Variants in PLCG2 observed in about 807,000 individuals in gnomAD.
PLCG2 encodes the protein 1-phosphatidylinositol 4,5-bisphosphate phosphodiesterase gamma-2.
Under a neutral mutation model 175.6 loss-of-function variants are expected in PLCG2, and 69 were observed. The ratio of observed to expected loss-of-function variants is 0.39; its 90% CI spans 0.32 to 0.48. The LOEUF (loss-of-function observed/expected upper bound fraction) is 0.48, where lower values mean the gene tolerates loss of function less well. Among genes scored for constraint, PLCG2 ranks in the 20% least tolerant of loss-of-function variants. The probability of loss-of-function intolerance (pLI) is 0.91; values close to 1 mark genes in which losing one functional copy is unlikely to be tolerated. For missense variants in PLCG2, 1,798 were observed against 1,650.9 expected, an observed-to-expected ratio of 1.09 and a Z score of -1.54; for synonymous variants, 827 against 624.0, an observed-to-expected ratio of 1.33 and a Z score of -4.85.
chr16:81,765,611 A>G (rs1910132364), intron 2 of PLCG2, among the ~76,000 whole-genome samples: 1 of 152,256 alleles, frequency 6.6e-6, no homozygotes, highest in Non-Finnish European at 1.5e-5. Flanking sequence ...AGCCTGGATG[A>G]CAGAGTGAGA....
intron 2 of PLCG2, among the ~76,000 whole-genome samples, chr16:81,826,698 A>G (rs766579473): frequency 6.6e-6 from 1 of 152,038 alleles, no homozygotes; most frequent in Non-Finnish European, 1.5e-5. Flanking sequence ...CGCTTTAAAA[A>G]TCCTCCTCAT....
chr16:81,823,706 T>TTC (rs1195559786), intron 2 of PLCG2, among the ~76,000 whole-genome samples: 4 of 150,840 alleles, frequency 2.7e-5, no homozygotes, highest in Middle Eastern at 3.4e-3. Context: ...TTTTTTTTTT[T>TTC]CCCTGTAGAG....
intron 2 of PLCG2, among the ~76,000 whole-genome samples, chr16:81,850,456 T>C (rs1309408955): frequency 6.6e-6 from 1 of 152,198 alleles, no homozygotes; most frequent in African/African-American, 2.4e-5. Context: ...CTCAGATTTC[T>C]GGTTTGGGTG....
intron 18 of PLCG2, among the ~76,000 whole-genome samples, chr16:81,911,973 A>G (rs1484259885): frequency 6.6e-6 from 1 of 150,920 alleles, no homozygotes; most frequent in Non-Finnish European, 1.5e-5. Flanking sequence ...AATTTTTTGT[A>G]TTTTTAGTAG....
At chr16:81,892,369 G>C (rs1039050383) in intron 11 of PLCG2, among the ~76,000 whole-genome samples, 1 of 152,216 alleles carries the variant, frequency 6.6e-6, no homozygotes, top group African/African-American at 2.4e-5. Context: ...ATGTTGCGCT[G>C]ATGTTCCAGT....
At chr16:81,812,239 C>G (rs994044882) in intron 2 of PLCG2, among the ~76,000 whole-genome samples, 1 of 151,778 alleles carries the variant, frequency 6.6e-6, no homozygotes, top group Admixed American at 6.6e-5. Flanking sequence ...TTAGTAGAGA[C>G]GAAGTTTCAC....
intron 13 of PLCG2, among the ~76,000 whole-genome samples, chr16:81,899,563 C>T (rs1046392756): frequency 6.6e-6 from 1 of 152,120 alleles, no homozygotes; most frequent in Non-Finnish European, 1.5e-5. Flanking sequence ...GCAGCGCTCC[C>T]CTTCCTGGTC....
Position 81,962,344 on chromosome 16 carries a change from T to C in PLCG2, c.*4346T>C, listed in dbSNP as rs77055354. Reference sequence around the variant, plus strand: ...TTCTAACCAACAAAAAGTTAATAATTAGATTTGGAATTATACAGAATTAGA... The same window carrying C: ...TTCTAACCAACAAAAAGTTAATAATCAGATTTGGAATTATACAGAATTAGA... On this transcript the variant is annotated 3_prime_UTR_variant, in exon 33 of 33. Transcript: ENST00000564138. The C allele has an allele frequency of 4.8e-6, 1 of 208,014 alleles. No individual in the cohort carries two copies. The highest frequency in any genetic ancestry group is 1.6e-3 in the Middle Eastern group (1 of 626). 12.9% of individuals were successfully genotyped at this position (208,014 alleles called of 1,614,324 possible).
intron 14 of PLCG2, among the ~76,000 whole-genome samples, chr16:81,903,015 A>G (rs1250459435): frequency 6.6e-6 from 1 of 152,238 alleles, no homozygotes; most frequent in Admixed American, 6.5e-5. Flanking sequence ...TGGGAATTAT[A>G]GGAGCTGCAA....
intron 2 of PLCG2, among the ~76,000 whole-genome samples, chr16:81,814,715 C>T (rs928455619): frequency 2.0e-5 from 3 of 151,962 alleles, no homozygotes; most frequent in African/African-American, 7.2e-5. Flanking sequence ...AAAAAGACAC[C>T]CTGGGGGACA....
chr16:81,915,295 T>C (rs1909795711), intron 19 of PLCG2, among the ~76,000 whole-genome samples: 1 of 152,338 alleles, frequency 6.6e-6, no homozygotes, highest in South Asian at 2.1e-4. Context: ...TGCCAGGCAC[T>C]GTTCTGGGCT....
At chr16:81,878,900 A>G (rs8062348) in intron 7 of PLCG2, among the ~76,000 whole-genome samples, 146,359 of 152,148 alleles carry the variant, frequency 0.96, 70,609 homozygotes, top group East Asian at 1. Flanking sequence ...CCCAGGGGCC[A>G]ATTCCTGCAA....
At chr16:81,778,495 G>C (rs4312300), upstream of PLCG2, among the ~76,000 whole-genome samples, 85,042 of 152,056 alleles carry the variant, frequency 0.56, 24,178 homozygotes, top group South Asian at 0.75. Context: ...GCATAGGAAG[G>C]GTTTGAATCA....
At chr16:81,771,224 A>G (rs76895653) in intron 2 of PLCG2, among the ~76,000 whole-genome samples, 1 of 152,114 alleles carries the variant, frequency 6.6e-6, no homozygotes. Flanking sequence ...GAGATTCTCT[A>G]TTCTGACTTC....
Position 81,907,925 on chromosome 16 carries a change from CCTGGCTGGCTTGTCTCTGATTGG to C in PLCG2, c.1557+159_1557+181del, listed in dbSNP as rs58979839. 51,890 of 600,790 alleles carry C rather than the reference CCTGGCTGGCTTGTCTCTGATTGG, an allele frequency of 0.086. 2,963 individuals are homozygous for C. The highest frequency in any genetic ancestry group is 0.17 in the African/African-American group (9,035 of 53,940). 37.2% of individuals were successfully genotyped at this position (600,790 alleles called of 1,614,324 possible). A position where few individuals can be genotyped will look rare whatever the true frequency, so the allele number is the denominator to read the frequency against. Reference sequence around the variant, plus strand: ...GCTGTTGATACTCTGGGTACCATGTCCTGGCTGGCTTGTCTCTGATTGGCTGGCTGCCCCAGGTGCTTTAACCA... The same window carrying C: ...GCTGTTGATACTCTGGGTACCATGTCCTGGCTGCCCCAGGTGCTTTAACCA... On this transcript the variant is annotated intron_variant, in intron 16 of 32. Coordinates refer to ENST00000564138, the MANE Select transcript of PLCG2 (RefSeq NM_002661.5).
intron 1 of PLCG2, among the ~76,000 whole-genome samples, chr16:81,742,142 C>T (rs140621191): frequency 5.6e-4 from 34 of 61,154 alleles, no homozygotes; most frequent in African/African-American, 2.7e-3. Flanking sequence ...ACAAAAGTTA[C>T]CATTGTGGGG....
At chr16:81,895,695 G>GGGA in intron 12 of PLCG2, 112 bp from the exon 13 acceptor site, 1 of 1,178,344 alleles carries the variant, frequency 8.5e-7, no homozygotes. Flanking sequence ...GCCGAATGGA[G>GGGA]GGAGTGTGGG....
In PLCG2 at chr16:81,870,833, A is replaced by T; in HGVS notation, c.565-19A>T. On this transcript the variant is annotated intron_variant, in intron 6 of 32. Coordinates refer to ENST00000564138, the MANE Select transcript of PLCG2 (RefSeq NM_002661.5). ...GGTGGACATCAAAAATCATGTGGTC[A>T]CTTTTTTCATATTTACAGGAAATAG... 6.9e-7 allele frequency: 1 copy of T among 1,449,110 alleles called. No homozygotes were observed. The highest frequency in any genetic ancestry group is 9.6e-7 in the Non-Finnish European group (1 of 1,045,262). 89.8% of individuals were successfully genotyped at this position (1,449,110 alleles called of 1,614,324 possible).
chr16:81,910,675 G>T lies in PLCG2; in HGVS notation c.1889G>T (p.Arg630Leu), dbSNP rs771359979. ...THLRCAEFELRLTDPVPNPNP... is the reference protein window; with the variant it reads ...THLRCAEFELLLTDPVPNPNP... ...CTGCGCTGCGCCGAGTTCGAGCTGC[G>T]GCTCACGGACCCTGTGCCCAACCCC... The change falls in exon 18 of 33, where the codon CGG becomes CTG. Residue 630 changes from arginine to leucine, a missense_variant. Arg to Leu is a moderately radical substitution (Grantham distance 102). Coordinates refer to ENST00000564138, the MANE Select transcript of PLCG2 (RefSeq NM_002661.5). 1.9e-6 allele frequency: 3 copies of T among 1,612,836 alleles called. No individual in the cohort carries two copies. The highest frequency in any genetic ancestry group is 2.2e-5 in the South Asian group (2 of 91,084).
Sources: allele counts gnomAD v4.1 joint callset (sites outside exome capture counted in the v4.1 genomes callset), GRCh38; gene constraint gnomAD v4.1.1; transcripts MANE v1.5; gene names NCBI Gene and HGNC (gene_info 2026-07-23, HGNC 2026-07-21).